The following NFIB variants were observed in gnomAD, a reference collection of about 807,000 sequenced individuals.
NFIB encodes the protein nuclear factor 1 B-type.
Under a neutral mutation model 61.5 loss-of-function variants are expected in NFIB, and 11 were observed. The ratio of observed to expected loss-of-function variants is 0.18; its 90% CI spans 0.11 to 0.30. NFIB has a LOEUF of 0.30. NFIB is among the 10% of genes least tolerant of loss of function. The pLI is 1.00. For synonymous variants in NFIB, 260 were observed against 216.5 expected, an observed-to-expected ratio of 1.20 and a Z score of -1.76; for missense variants, 471 against 608.9, an observed-to-expected ratio of 0.77 and a Z score of 2.38.
intron 2 of NFIB, among the ~76,000 whole-genome samples, chr9:14,258,690 C>T (rs974126076): frequency 1.3e-5 from 2 of 152,198 alleles, no homozygotes; most frequent in African/African-American, 4.8e-5. Flanking sequence ...TTTACTTTTC[C>T]ATTATACCCC....
At chr9:14,361,899 T>C (rs188655984) in intron 1 of NFIB, 1 of 152,348 alleles carries the variant, frequency 6.6e-6, no homozygotes, top group East Asian at 1.9e-4. Context: ...CTTTTAAATC[T>C]TACTCATTCT....
chr9:14,155,855 T>C lies in NFIB; in HGVS notation c.655A>G (p.Asn219Asp). ...GATACTCTTACAAGTTCTGATACAT[T>C]GAAGACTCCAGATTTTACAAAACTA... Reference protein sequence around the residue: ...EDSFVKSGVFNVSELVRVSRT... With the variant: ...EDSFVKSGVFDVSELVRVSRT... The change falls in exon 4 of 11, where the codon AAT (asparagine) becomes GAT (aspartate). Residue 219 changes from asparagine to aspartate, a missense_variant. By Grantham distance (23) the Asn-to-Asp change is conservative (BLOSUM62 1). Around this residue, in one of 2 missense-constraint regions of NFIB, gnomAD observed 372 missense variants for 395.6 expected, o/e 0.94. Transcript: ENST00000380953. 6.3e-7 allele frequency: 1 copy of C among 1,588,094 alleles called. No individual in the cohort carries two copies. The highest frequency in any genetic ancestry group is 8.6e-7 in the Non-Finnish European group (1 of 1,166,486).
chr9:14,402,207 TG>T (rs1386282397), upstream of NFIB, among the ~76,000 whole-genome samples: 8 of 152,174 alleles, frequency 5.3e-5, no homozygotes, highest in Non-Finnish European at 1.2e-4. Context: ...TGGATGAAAT[TG>T]ATCCAGCAAA....
the NFIB span, among the ~76,000 whole-genome samples, chr9:14,449,790 C>T: frequency 7.9e-5 from 12 of 151,812 alleles, no homozygotes; most frequent in Non-Finnish European, 7.4e-5. Context: ...AAAAATTAGC[C>T]AGACATGGTG....
the NFIB span, among the ~76,000 whole-genome samples, chr9:14,424,994 G>A: frequency 1.3e-5 from 2 of 152,118 alleles, no homozygotes; most frequent in Non-Finnish European, 2.9e-5. Context: ...CTGGGCCTTT[G>A]CTCTAGAGAC....
At chr9:14,279,435 C>A (rs1449457316) in intron 2 of NFIB, among the ~76,000 whole-genome samples, 1 of 152,048 alleles carries the variant, frequency 6.6e-6, no homozygotes. Flanking sequence ...GAGATTGAGA[C>A]CTTATTAAAT....
chr9:14,322,756 C>T (rs1312158817), intron 1 of NFIB, among the ~76,000 whole-genome samples: 1 of 151,888 alleles, frequency 6.6e-6, no homozygotes, highest in African/African-American at 2.4e-5. Flanking sequence ...GTGTGGCGGC[C>T]TGCGCCGCGC....
the NFIB span, among the ~76,000 whole-genome samples, chr9:14,443,527 C>T: frequency 1.3e-5 from 2 of 152,116 alleles, no homozygotes; most frequent in East Asian, 1.9e-4. Context: ...ATGAAAACTG[C>T]GATGCCATCC....
the NFIB span, among the ~76,000 whole-genome samples, chr9:14,473,999 G>C: frequency 6.6e-6 from 1 of 152,146 alleles, no homozygotes; most frequent in Non-Finnish European, 1.5e-5. Context: ...ATGGTGTGAG[G>C]ACGGAGATGA....
At chr9:14,189,626 G>A (rs893865515) in intron 2 of NFIB, among the ~76,000 whole-genome samples, 9 of 150,392 alleles carry the variant, frequency 6.0e-5, no homozygotes, top group African/African-American at 2.2e-4. Flanking sequence ...CCACCTACTT[G>A]GTTGCACTGC....
chr9:14,246,787 C>G (rs546768644), intron 2 of NFIB, among the ~76,000 whole-genome samples: 2 of 152,292 alleles, frequency 1.3e-5, no homozygotes, highest in African/African-American at 4.8e-5. Context: ...TAATATCACC[C>G]TGCTATTGAC....
chr9:14,200,263 C>G (rs1455789864), intron 2 of NFIB, among the ~76,000 whole-genome samples: 1 of 152,124 alleles, frequency 6.6e-6, no homozygotes, highest in East Asian at 1.9e-4. Flanking sequence ...CCTCTCAGAA[C>G]TGGTAGAAGA....
chr9:14,274,356 G>C (rs1256751734), intron 2 of NFIB, among the ~76,000 whole-genome samples: 1 of 151,650 alleles, frequency 6.6e-6, no homozygotes, highest in Non-Finnish European at 1.5e-5. Flanking sequence ...CAGGGGCTTA[G>C]GAGGGCGGCA....
the NFIB span, among the ~76,000 whole-genome samples, chr9:14,521,479 C>T: frequency 6.6e-6 from 1 of 152,140 alleles, no homozygotes; most frequent in Admixed American, 6.5e-5. Flanking sequence ...CTCCCTGGGC[C>T]TCAGTATTTT....
At chr9:14,515,620 G>A in the NFIB span, among the ~76,000 whole-genome samples, 44 of 152,258 alleles carry the variant, frequency 2.9e-4, no homozygotes, top group African/African-American at 1.1e-3. Context: ...TTTGTGACAA[G>A]TTCTTGGTGT....
intron 1 of NFIB, among the ~76,000 whole-genome samples, chr9:14,325,598 T>C (rs925741079): frequency 7.2e-5 from 11 of 152,152 alleles, no homozygotes; most frequent in African/African-American, 2.4e-4. Context: ...CAAAGGTGTT[T>C]ATTTTGTCTT....
At chr9:14,357,632 A>G (rs1051813243) in intron 1 of NFIB, 6 of 152,238 alleles carry the variant, frequency 3.9e-5, no homozygotes, top group African/African-American at 1.2e-4. Flanking sequence ...AACACTTACT[A>G]AAGAGACCAT....
At chr9:14,231,135 A>AAAAAAT (rs55959148) in intron 2 of NFIB, among the ~76,000 whole-genome samples, 20 of 35,350 alleles carry the variant, frequency 5.7e-4, no homozygotes, top group African/African-American at 1.9e-3. Context: ...AAAAAAAAAA[A>AAAAAAT]ATATATATAT....
chr9:14,141,159 C>G (rs912335118), intron 6 of NFIB, among the ~76,000 whole-genome samples: 6 of 152,114 alleles, frequency 3.9e-5, no homozygotes, highest in African/African-American at 1.4e-4. Flanking sequence ...GACTACCTTA[C>G]TAATGAGAAT....
Sources: allele counts gnomAD v4.1 joint callset (sites outside exome capture counted in the v4.1 genomes callset), GRCh38; gene constraint gnomAD v4.1.1; regional missense constraint gnomAD v4.1.1; transcripts MANE v1.5; gene names NCBI Gene and HGNC (gene_info 2026-07-23, HGNC 2026-07-21).